Variants in PCDH15 observed in about 807,000 individuals in gnomAD.
PCDH15 encodes the protein protocadherin-15.
PCDH15 carries 129 observed loss-of-function variants against 178.5 expected under a neutral mutation model. The observed-to-expected ratio is 0.72, with a 90% CI of 0.63 to 0.84. The LOEUF is 0.84. PCDH15 is among the 40% of genes least tolerant of loss of function. The pLI, the probability that PCDH15 is intolerant of heterozygous loss-of-function variation, is 0.00. For missense variants in PCDH15, 2,230 were observed against 2,099.9 expected (o/e 1.06, Z -1.21); for synonymous variants, 800 against 732.0 (o/e 1.09, Z -1.50).
intron 13 of PCDH15, among the ~76,000 whole-genome samples, chr10:54,161,254 G>A (rs1427291968): frequency 6.6e-6 from 1 of 152,104 alleles, no homozygotes; most frequent in African/African-American, 2.4e-5. Context: ...GCATAGATGA[G>A]CTACATAAAC....
In PCDH15 at chr10:54,233,579, A is replaced by C. The variant is rs572215153; in HGVS notation, c.985+3244T>G. On this transcript the variant is annotated intron_variant, in intron 9 of 37. Coordinates refer to ENST00000644397, the MANE Select transcript of PCDH15 (RefSeq NM_001384140.1). The stretch of plus-strand genomic sequence containing the variant: ...CTATACTGAAGAACATTCTAGGTGC[A>C]CTTGAGAAGAATGTGTATTCTGCTG... 2.0e-5 allele frequency among the ~76,000 whole-genome samples: 3 copies of C among 152,194 alleles called. No homozygotes were observed. The East Asian group carries it at 5.8e-4, about 29-fold the overall frequency.
chr10:55,627,864 C>T lies in PCDH15; in HGVS notation c.-285+1G>A, dbSNP rs1837565184. On this transcript the variant is annotated splice_donor_variant, in intron 1 of 5. Transcript: ENST00000613346. LOFTEE classifies it low-confidence loss of function (5UTR_SPLICE). ...GTTCCGGCTCCTCTTCTGCGCCTTA[C>T]CCAGCTCTTTTCGTCTGGCAAAGGG... 6.6e-6 allele frequency: 1 copy of T among 152,492 alleles called. No homozygotes were observed. The highest frequency in any genetic ancestry group is 2.1e-4 in the South Asian group (1 of 4,838). The allele number at this position is 152,492 out of a possible 1,614,324, so 9.4% of individuals were successfully genotyped here. A position where few individuals can be genotyped will look rare whatever the true frequency, so the allele number is the denominator to read the frequency against.
Position 53,966,815 on chromosome 10 carries a change from C to G in PCDH15, c.2869-4923G>C, listed in dbSNP as rs530978539. Among the ~76,000 whole-genome samples, 931 of 151,280 alleles carry G rather than the reference C, an allele frequency of 6.2e-3. 15 individuals are homozygous for G. Among genetic ancestry groups the G allele is most frequent in the African/African-American group, 0.018 (755 of 41,294 alleles). On this transcript the variant is annotated intron_variant, in intron 21 of 37. Coordinates refer to ENST00000644397, the MANE Select transcript of PCDH15 (RefSeq NM_001384140.1). ...ACCCTTATTAGTTATGTTTTAAAAA[C>G]TAAAATAATATAGTAAATGAGTTTA...
intron 3 of PCDH15, among the ~76,000 whole-genome samples, chr10:54,524,075 A>T (rs912486900): frequency 2.0e-5 from 3 of 152,152 alleles, no homozygotes; most frequent in African/African-American, 7.2e-5. Flanking sequence ...TTACATCGAT[A>T]AATTTCCACA....
In PCDH15 at chr10:54,464,464, A is replaced by C. The variant is rs535780183; in HGVS notation, c.157+63348T>G. Among the ~76,000 whole-genome samples the C allele has an allele frequency of 4.3e-4, 65 of 152,324 alleles. 1 individual carries two copies. In the South Asian group the frequency reaches 0.013, roughly 30 times the overall value. ...AAGCATTGAGAGGAACTAGGAGTTT[A>C]TATGCATTTTGGGGGAAATATATTT... On this transcript the variant is annotated intron_variant, in intron 3 of 37. Transcript: ENST00000644397.
At chr10:55,593,868 T>C (rs1842891951) in intron 2 of PCDH15, among the ~76,000 whole-genome samples, 1 of 151,894 alleles carries the variant, frequency 6.6e-6, no homozygotes, top group Non-Finnish European at 1.5e-5. Context: ...CCCAAAGATC[T>C]GGATGATTGA....
chr10:54,153,077 G>A (rs746303478), intron 14 of PCDH15, 23 bp downstream of exon 14: 1 of 1,613,004 alleles, frequency 6.2e-7, no homozygotes, highest in South Asian at 1.1e-5. Context: ...TGAAAAGACT[G>A]CATTGGTTCT....
intron 1 of PCDH15, among the ~76,000 whole-genome samples, chr10:54,779,996 ACTTATT>A (rs1950205884): frequency 1.3e-5 from 2 of 152,152 alleles, no homozygotes; most frequent in African/African-American, 4.8e-5. Context: ...AAATATTTGC[ACTTATT>A]CTTATAAACA....
At chr10:54,192,872 C>T (rs1354962467) in intron 11 of PCDH15, among the ~76,000 whole-genome samples, 1 of 152,116 alleles carries the variant, frequency 6.6e-6, no homozygotes, top group African/African-American at 2.4e-5. Flanking sequence ...GAAATTTTCT[C>T]TCCATGCCCT....
chr10:54,175,606 A>C (rs2047357855), intron 13 of PCDH15, among the ~76,000 whole-genome samples: 1 of 152,180 alleles, frequency 6.6e-6, no homozygotes, highest in South Asian at 2.1e-4. Flanking sequence ...TATTATCACC[A>C]TTTTAAAGAT....
At chr10:54,897,865 A>G (rs955234714) in intron 2 of PCDH15, among the ~76,000 whole-genome samples, 8 of 152,216 alleles carry the variant, frequency 5.3e-5, no homozygotes, top group African/African-American at 1.9e-4. Flanking sequence ...TAGATATTTT[A>G]CCTAAAACTG....
intron 6 of PCDH15, among the ~76,000 whole-genome samples, chr10:54,336,328 C>T (rs957992394): frequency 6.6e-6 from 1 of 152,142 alleles, no homozygotes; most frequent in African/African-American, 2.4e-5. Context: ...ATGTTAATCA[C>T]CAAGGCATGG....
chr10:53,936,234 C>A (rs2134027715), intron 25 of PCDH15, among the ~76,000 whole-genome samples: 1 of 152,168 alleles, frequency 6.6e-6, no homozygotes, highest in East Asian at 1.9e-4. Context: ...AATGTATAGA[C>A]CTTATTTTGA....
At chr10:54,293,867 G>T (rs1307747261) in intron 8 of PCDH15, among the ~76,000 whole-genome samples, 1 of 152,184 alleles carries the variant, frequency 6.6e-6, no homozygotes, top group Non-Finnish European at 1.5e-5. Context: ...TACACTGTTG[G>T]TGGGAGTTTA....
chr10:55,217,472 C>T (rs936048109), intron 1 of PCDH15, among the ~76,000 whole-genome samples: 7 of 151,752 alleles, frequency 4.6e-5, no homozygotes, highest in East Asian at 1.9e-4. Flanking sequence ...CACTGTTAAA[C>T]GTTTTAAAAA....
At chr10:55,598,342 T>C (rs1842977092) in intron 2 of PCDH15, among the ~76,000 whole-genome samples, 1 of 135,586 alleles carries the variant, frequency 7.4e-6, no homozygotes, top group Non-Finnish European at 1.6e-5. Context: ...ACACAAATAG[T>C]TATATTAACA....
chr10:54,934,682 G>A (rs1335832699), intron 2 of PCDH15, among the ~76,000 whole-genome samples: 1 of 150,580 alleles, frequency 6.6e-6, no homozygotes, highest in East Asian at 2.0e-4. Context: ...GATTCCTCAG[G>A]GATCTACAAC....
intron 3 of PCDH15, among the ~76,000 whole-genome samples, chr10:54,837,999 C>T (rs1379305419): frequency 2.0e-5 from 3 of 152,030 alleles, no homozygotes; most frequent in Non-Finnish European, 4.4e-5. Flanking sequence ...TAGGAACAGC[C>T]TTTCCCACCT....
intron 3 of PCDH15, among the ~76,000 whole-genome samples, chr10:54,504,969 G>A: frequency 6.6e-6 from 1 of 151,964 alleles, no homozygotes; most frequent in East Asian, 1.9e-4. Flanking sequence ...TTCAAATAGG[G>A]GAGTTCACTT....
Sources: allele counts gnomAD v4.1 joint callset (sites outside exome capture counted in the v4.1 genomes callset), GRCh38; gene constraint gnomAD v4.1.1; transcripts MANE v1.5; gene names NCBI Gene and HGNC (gene_info 2026-07-23, HGNC 2026-07-21).